The following TTC28 variants were observed in gnomAD, a reference collection of about 807,000 sequenced individuals.
TTC28 encodes the protein tetratricopeptide repeat protein 28.
Under a neutral mutation model 198.0 loss-of-function variants are expected in TTC28, and 61 were observed. The ratio of observed to expected loss-of-function variants is 0.31; its 90% CI spans 0.25 to 0.38. The LOEUF (loss-of-function observed/expected upper bound fraction) is 0.38, where lower values mean the gene tolerates loss of function less well. Among genes scored for constraint, TTC28 ranks in the 10% least tolerant of loss-of-function variants. TTC28 has a pLI of 1.00. For synonymous variants in TTC28, 1,171 were observed against 1,297.8 expected (o/e 0.90, Z 2.10); for missense variants, 2,678 against 3,164.0 (o/e 0.85, Z 3.69).
chr22:28,296,091 A>T, intron 5 of TTC28, 107 bp downstream of exon 5: 1 of 1,210,028 alleles, frequency 8.3e-7, no homozygotes, highest in South Asian at 1.8e-5. Context: ...CTTTCTTCTG[A>T]AAGTAATATT....
intron 1 of TTC28, among the ~76,000 whole-genome samples, chr22:28,660,931 A>G (rs2051733278): frequency 6.6e-6 from 1 of 152,054 alleles, no homozygotes; most frequent in Non-Finnish European, 1.5e-5. Context: ...TAAATATATA[A>G]TTCCCTTTAT....
intron 2 of TTC28, among the ~76,000 whole-genome samples, chr22:28,364,198 T>C (rs1272827511): frequency 6.6e-6 from 1 of 152,216 alleles, no homozygotes; most frequent in Non-Finnish European, 1.5e-5. Context: ...TCCTGTGCTG[T>C]TCTCATGATA....
intron 13 of TTC28, chr22:28,028,998 C>T (rs1364085065): frequency 2.1e-6 from 1 of 471,150 alleles, no homozygotes; most frequent in South Asian, 1.5e-5. Flanking sequence ...TAGTTTATCA[C>T]CACAGCCTGC....
At chr22:28,273,292 G>C (rs1932210455) in intron 5 of TTC28, among the ~76,000 whole-genome samples, 1 of 151,650 alleles carries the variant, frequency 6.6e-6, no homozygotes, top group African/African-American at 2.4e-5. Flanking sequence ...AACAATAATA[G>C]GATTAAGAGA....
Position 28,043,242 on chromosome 22 carries a change from C to CAAAAAAAAAAAAAAAAA in TTC28, c.3933-12893_3933-12877dup, listed in dbSNP as rs11362041. Among the ~76,000 whole-genome samples the CAAAAAAAAAAAAAAAAA allele has an allele frequency of 6.6e-4, 43 of 65,566 alleles. 4 individuals are homozygous for CAAAAAAAAAAAAAAAAA. Among genetic ancestry groups the CAAAAAAAAAAAAAAAAA allele is most frequent in the African/African-American group, 1.2e-3 (20 of 16,410 alleles). The allele number at this position is 65,566 out of a possible 152,430, so 43.0% of individuals were successfully genotyped here. A position where few individuals can be genotyped will look rare whatever the true frequency, so the allele number is the denominator to read the frequency against. ...TGCATAACAGAGTAAGACTCCATCT[C>CAAAAAAAAAAAAAAAAA]AAAAAAAAAAAAAAAAAAAAAAAAA... is the stretch of plus-strand genomic sequence containing the variant. On this transcript the variant is annotated intron_variant, in intron 12 of 22. Coordinates refer to ENST00000397906, the MANE Select transcript of TTC28 (RefSeq NM_001145418.2).
At chr22:28,232,732 G>T (rs1451177121) in intron 5 of TTC28, 1 of 152,164 alleles carries the variant, frequency 6.6e-6, no homozygotes, top group African/African-American at 2.4e-5. Flanking sequence ...TCTCTTGCAG[G>T]TTTATGAATA....
chr22:27,992,603 T>C lies in TTC28; in HGVS notation c.5537A>G (p.Glu1846Gly). The part of the protein sequence containing the change: ...CKLITASETG[E>G]QLISRAVKNM... The stretch of plus-strand genomic sequence containing the variant: ...TCGACTTACCCGGCTGATGAGCTGC[T>C]CGCCCGTCTCGGAGGCAGTGATGAG... The change falls in exon 19 of 23, where the codon GAG (glutamate) becomes GGG (glycine). Residue 1846 changes from glutamate to glycine, a missense_variant. By Grantham distance (98) the Glu-to-Gly change is moderately conservative. Around this residue, in one of 8 missense-constraint regions of TTC28, gnomAD observed 314 missense variants for 442.7 expected, o/e 0.71. Transcript: ENST00000397906. The C allele has an allele frequency of 6.4e-7, 1 of 1,551,032 alleles. No homozygotes were observed.
chr22:28,234,682 T>C (rs908020772), intron 5 of TTC28, among the ~76,000 whole-genome samples: 14 of 152,318 alleles, frequency 9.2e-5, no homozygotes, highest in African/African-American at 3.4e-4. Flanking sequence ...CCTCATCTTC[T>C]AATTTAAACA....
At chr22:27,993,004 T>C (rs1032928359) in intron 18 of TTC28, 3 of 565,620 alleles carry the variant, frequency 5.3e-6, no homozygotes, top group African/African-American at 3.8e-5. Flanking sequence ...ACAATGGCAG[T>C]AGTGGCCAGT....
At chr22:28,311,532 T>C (rs929082219) in intron 2 of TTC28, among the ~76,000 whole-genome samples, 9 of 152,194 alleles carry the variant, frequency 5.9e-5, no homozygotes, top group Non-Finnish European at 1.0e-4. Context: ...TTTTTGCAGG[T>C]ACACAGTAGG....
chr22:28,001,652 C>G, intron 14 of TTC28, 99 bp from the exon 15 acceptor site: 1 of 1,394,676 alleles, frequency 7.2e-7, no homozygotes, highest in Non-Finnish European at 9.7e-7. Context: ...GACACAAGCA[C>G]GAGCAGGTGA....
chr22:28,031,593 A>G (rs947978702), intron 12 of TTC28, among the ~76,000 whole-genome samples: 2 of 152,154 alleles, frequency 1.3e-5, no homozygotes, highest in Non-Finnish European at 2.9e-5. Context: ...TCAAATGGCC[A>G]AGCTGGCGAC....
intron 2 of TTC28, among the ~76,000 whole-genome samples, chr22:28,621,354 C>A (rs1240580417): frequency 6.6e-6 from 1 of 152,084 alleles, no homozygotes; most frequent in East Asian, 1.9e-4. Context: ...AGAACCTGAA[C>A]TATAATACTG....
At chr22:28,591,040 CAT>C (rs377761638) in intron 2 of TTC28, among the ~76,000 whole-genome samples, 143 of 30,716 alleles carry the variant, frequency 4.7e-3, no homozygotes, top group African/African-American at 6.3e-3. Context: ...CACACACACA[CAT>C]ATATATATAT....
chr22:28,632,171 T>C (rs2051183608), intron 1 of TTC28, among the ~76,000 whole-genome samples: 1 of 151,642 alleles, frequency 6.6e-6, no homozygotes, highest in South Asian at 2.1e-4. Flanking sequence ...TTCACACGGA[T>C]ATTATATCCT....
chr22:28,630,699 A>C (rs1366627396), intron 1 of TTC28, among the ~76,000 whole-genome samples: 1 of 152,170 alleles, frequency 6.6e-6, no homozygotes, highest in Non-Finnish European at 1.5e-5. Flanking sequence ...GATCTGCTCT[A>C]CATTATATTT....
At chr22:28,042,637 G>C (rs1939695189) in intron 12 of TTC28, among the ~76,000 whole-genome samples, 1 of 151,970 alleles carries the variant, frequency 6.6e-6, no homozygotes. Flanking sequence ...TGTAAATGAT[G>C]AGTTGATGGG....
intron 2 of TTC28, among the ~76,000 whole-genome samples, chr22:28,310,939 C>G (rs2045245376): frequency 6.6e-6 from 1 of 151,972 alleles, no homozygotes; most frequent in South Asian, 2.1e-4. Context: ...ACCACCACTC[C>G]CAGCTAACTT....
chr22:28,508,958 A>C (rs911431412), intron 2 of TTC28, among the ~76,000 whole-genome samples: 4 of 152,080 alleles, frequency 2.6e-5, no homozygotes, highest in Non-Finnish European at 5.9e-5. Context: ...TTGGGAGGCC[A>C]GGTGGGCAGA....
Sources: gnomAD v4.1 joint callset for allele counts (sites outside exome capture counted in the v4.1 genomes callset) on GRCh38, gnomAD v4.1.1 for gene constraint, gnomAD v4.1.1 regional missense constraint, MANE v1.5 for transcripts, NCBI Gene and HGNC (gene_info 2026-07-23, HGNC 2026-07-21) for gene names.